DEAF1: variants seen among roughly 807,000 people sequenced by gnomAD.
DEAF1 encodes DEAF1 transcription factor, also known as deformed epidermal autoregulatory factor 1 homolog.
DEAF1 carries 53 observed loss-of-function variants against 58.9 expected under a neutral mutation model. That is an observed-to-expected ratio of 0.90 (90% CI 0.72 to 1.13). DEAF1 has a LOEUF of 1.13. Among genes scored for constraint, DEAF1 ranks in the 50% most tolerant of loss-of-function variants. DEAF1 has a pLI of 0.00. For missense variants in DEAF1, 685 were observed against 791.4 expected, an observed-to-expected ratio of 0.87 and a Z score of 1.61; for synonymous variants, 385 against 340.4, an observed-to-expected ratio of 1.13 and a Z score of -1.44.
At chr11:678,318 A>C in intron 9 of DEAF1, 1 of 279,632 alleles carries the variant, frequency 3.6e-6, no homozygotes, top group Non-Finnish European at 7.0e-6. Context: ...TCTTTCTTTC[A>C]CCAGATACCG....
chr11:678,796 A>T lies in DEAF1; in HGVS notation c.1153T>A (p.Cys385Ser), dbSNP rs372788390. 6 of 1,613,994 alleles carry T rather than the reference A, an allele frequency of 3.7e-6. No individual in the cohort carries two copies. In the African/African-American group the frequency reaches 8.0e-5, roughly 22 times the overall value. ...TGAGGCTCAGGGTGGCTGGCCCTGC[A>T]TGGGGGCTGCACGCTGGCCTCTTGG... Reference protein sequence around the residue: ...TVQEASVQPPCRASHPEPHYP... With the variant: ...TVQEASVQPPSRASHPEPHYP... The change falls in exon 9 of 12, where the codon TGC becomes AGC. Residue 385 changes from cysteine to serine, a missense_variant. By Grantham distance (112) the Cys-to-Ser change is moderately radical. Around this residue, in one of 3 missense-constraint regions of DEAF1, gnomAD observed 343 missense variants for 379.8 expected, o/e 0.90. Transcript: ENST00000382409.
chr11:679,494 G>A (rs12224172), intron 8 of DEAF1, among the ~76,000 whole-genome samples, 194 bp downstream of exon 8: 39,611 of 152,088 alleles, frequency 0.26, 5,795 homozygotes, highest in Non-Finnish European at 0.32. Context: ...GTAACCCACT[G>A]CCACACGCCA....
chr11:676,636 C>T (rs1384308808), intron 9 of DEAF1, among the ~76,000 whole-genome samples: 2 of 152,026 alleles, frequency 1.3e-5, no homozygotes, highest in African/African-American at 4.8e-5. Context: ...TCCCGAGTAG[C>T]TGGGATTACA....
chr11:663,007 T>C (rs939018572), intron 10 of DEAF1, among the ~76,000 whole-genome samples: 1 of 152,168 alleles, frequency 6.6e-6, no homozygotes, highest in Non-Finnish European at 1.5e-5. Flanking sequence ...GGGATGATAT[T>C]TGGCTTTTTA....
At chr11:658,475 T>C (rs1859168463) in intron 10 of DEAF1, among the ~76,000 whole-genome samples, 2 of 152,212 alleles carry the variant, frequency 1.3e-5, no homozygotes, top group African/African-American at 2.4e-5. Context: ...GAGGTGTGTG[T>C]GCGTTGCAGA....
At chr11:703,495 GACAGAGCCCTTCAGA>G in intron 1 of DEAF1, 12 of 1,255,004 alleles carry the variant, frequency 9.6e-6, no homozygotes, top group Non-Finnish European at 1.2e-5. Context: ...CGAGAGGGAG[GACAGAGCCCTTCAGA>G]ACAGAGGCCT....
chr11:684,316 G>A (rs1860493900), intron 6 of DEAF1, among the ~76,000 whole-genome samples: 1 of 152,142 alleles, frequency 6.6e-6, no homozygotes, highest in African/African-American at 2.4e-5. Context: ...TACGCGGGAA[G>A]CTGAGGCAGG....
rs1255534089 is a variant in DEAF1, at chr11:688,332, T to C, written c.516A>G (p.Pro172=). ...GLKGPAAPLT[P]GPQSPPTPLA... ...CCTGGGGTGCAGGCACCGCTGTACCTGGGGTGAGGGGAGCTGCCGGGCCTT... is the reference window on the plus strand; with the variant it reads ...CCTGGGGTGCAGGCACCGCTGTACCCGGGGTGAGGGGAGCTGCCGGGCCTT... The change falls in exon 3 of 12, where the codon CCA becomes CCG. Residue 172 remains proline, a splice_region_variant and synonymous_variant. Coordinates refer to ENST00000382409, the MANE Select transcript of DEAF1 (RefSeq NM_021008.4). This position sits in a 1 kb window ranked among gnomAD's most constrained non-coding sequence, Gnocchi z 4.3. 6.2e-7 allele frequency: 1 copy of C among 1,613,592 alleles called. No individual in the cohort carries two copies. The highest frequency in any genetic ancestry group is 1.7e-5 in the Admixed American group (1 of 60,016).
In DEAF1 at chr11:684,977, A is replaced by G. The variant is rs774480031; in HGVS notation, c.805-14T>C. 5 of 1,551,294 alleles carry G rather than the reference A, an allele frequency of 3.2e-6. No individual in the cohort carries two copies. Among genetic ancestry groups the G allele is most frequent in the Non-Finnish European group, 4.4e-6 (5 of 1,146,652 alleles). ...TAAGATCCCATCCTGAGATGTGAAA[A>G]GAACCACCATGCATTAGCAAGTCAG... On this transcript the variant is annotated splice_polypyrimidine_tract_variant and intron_variant, in intron 5 of 11. Transcript: ENST00000382409.
upstream of DEAF1, chr11:695,511 G>A: frequency 1.0e-6 from 1 of 974,494 alleles, no homozygotes. Context: ...GCCTCTCAGA[G>A]AGAGCTTAGT....
intron 2 of DEAF1, 56 bp downstream of exon 2, chr11:691,445 G>A (rs1026794758): frequency 9.1e-6 from 14 of 1,534,454 alleles, no homozygotes; most frequent in African/African-American, 4.1e-5. Context: ...CGGGGAAGCC[G>A]GAGGCCCCCA....
At chr11:674,844 G>A in intron 9 of DEAF1, 61 bp from the exon 10 acceptor site, 1 of 1,598,032 alleles carries the variant, frequency 6.3e-7, no homozygotes, top group South Asian at 1.1e-5. Flanking sequence ...CTTCAAAATG[G>A]CCTCCGTTAA....
chr11:697,016 G>T (rs955906116), upstream of DEAF1, among the ~76,000 whole-genome samples: 3 of 148,486 alleles, frequency 2.0e-5, no homozygotes, highest in Admixed American at 6.8e-5. Context: ...TGGTGGTGGT[G>T]GGGGGGGTGG....
intron 10 of DEAF1, among the ~76,000 whole-genome samples, chr11:662,367 G>A (rs905412570): frequency 6.6e-6 from 1 of 152,206 alleles, no homozygotes; most frequent in Non-Finnish European, 1.5e-5. Context: ...GAAAAGATTG[G>A]ACACCCCGGC....
chr11:704,667 C>G, intron 1 of DEAF1: 1 of 1,285,990 alleles, frequency 7.8e-7, no homozygotes, highest in Admixed American at 2.3e-5. Flanking sequence ...TACCTCCAGT[C>G]TCAGCGAGCA....
At chr11:654,139 G>A in intron 10 of DEAF1, 88 bp from the exon 11 acceptor site, 2 of 1,000,676 alleles carry the variant, frequency 2.0e-6, no homozygotes, top group Non-Finnish European at 3.1e-6. Flanking sequence ...CAGGCAGGAG[G>A]CCCCAAGTTC....
chr11:680,280 G>C (rs1034323876), intron 7 of DEAF1, among the ~76,000 whole-genome samples: 1 of 152,168 alleles, frequency 6.6e-6, no homozygotes, highest in Non-Finnish European at 1.5e-5. Context: ...CTGCTGCTGT[G>C]GGACTCTTCC....
intron 10 of DEAF1, among the ~76,000 whole-genome samples, chr11:664,426 G>A (rs376352530): frequency 2.0e-5 from 3 of 151,802 alleles, no homozygotes; most frequent in African/African-American, 7.2e-5. Context: ...TATTCACACC[G>A]AGAGGAGGAG....
intron 10 of DEAF1, among the ~76,000 whole-genome samples, chr11:673,567 G>A (rs1370698857): frequency 1.3e-5 from 2 of 152,032 alleles, no homozygotes; most frequent in Non-Finnish European, 2.9e-5. Flanking sequence ...AAGAAATGGG[G>A]GAAAACGTTT....
Sources: allele counts gnomAD v4.1 joint callset (sites outside exome capture counted in the v4.1 genomes callset), GRCh38; gene constraint gnomAD v4.1.1; regional missense constraint gnomAD v4.1.1; non-coding constraint Gnocchi (gnomAD v3.1); transcripts MANE v1.5; gene names NCBI Gene and HGNC (gene_info 2026-07-23, HGNC 2026-07-21).